Variants in ZNF420 observed in about 807,000 individuals in gnomAD.
ZNF420 encodes the protein zinc finger protein 420, also known as ATM and p53-associated KZNF protein.
Under a neutral mutation model 44.7 loss-of-function variants are expected in ZNF420, and 31 were observed. That is an observed-to-expected ratio of 0.69 (90% CI 0.52 to 0.94). The LOEUF is 0.94. Ranked by LOEUF, ZNF420 falls within the 40% of genes least tolerant of loss-of-function variation. The pLI, the probability that ZNF420 is intolerant of heterozygous loss-of-function variation, is 0.00. For missense variants in ZNF420, 681 were observed against 827.9 expected (o/e 0.82, Z 2.18); for synonymous variants, 245 against 267.4 (o/e 0.92, Z 0.82).
intron 4 of ZNF420, among the ~76,000 whole-genome samples, chr19:37,095,672 C>T (rs188712621): frequency 9.7e-4 from 147 of 152,156 alleles, no homozygotes; most frequent in African/African-American, 3.4e-3. Context: ...AATTTCGGCT[C>T]ACTGCAACCT....
At chr19:37,077,495 T>G (rs1306358967), upstream of ZNF420, among the ~76,000 whole-genome samples, 1 of 152,178 alleles carries the variant, frequency 6.6e-6, no homozygotes, top group Non-Finnish European at 1.5e-5. Flanking sequence ...AAGAAAAAAC[T>G]ACGTTAATTT....
chr19:37,099,404 C>G (rs551565377), intron 4 of ZNF420, among the ~76,000 whole-genome samples: 1 of 152,128 alleles, frequency 6.6e-6, no homozygotes, highest in South Asian at 2.1e-4. Context: ...CTGATTGTAG[C>G]TTCGATTTGC....
At chr19:37,062,040 G>A (rs1047859246) in intron 1 of ZNF420, among the ~76,000 whole-genome samples, 2 of 152,200 alleles carry the variant, frequency 1.3e-5, no homozygotes, top group Non-Finnish European at 2.9e-5. Flanking sequence ...ATTTGCGCAT[G>A]TCACACAGAA....
At chr19:37,013,776 C>G (rs1047959822) in intron 1 of ZNF420, among the ~76,000 whole-genome samples, 6 of 152,194 alleles carry the variant, frequency 3.9e-5, no homozygotes, top group African/African-American at 7.2e-5. Context: ...CAATGGCCTT[C>G]TCTGGTTTCC....
intron 4 of ZNF420, among the ~76,000 whole-genome samples, chr19:37,097,154 C>G (rs906137545): frequency 6.6e-6 from 1 of 152,092 alleles, no homozygotes; most frequent in Non-Finnish European, 1.5e-5. Flanking sequence ...GCCTCGGCCT[C>G]CCAAAGTGCT....
At chr19:37,020,664 G>A (rs1599597309) in intron 1 of ZNF420, among the ~76,000 whole-genome samples, 1 of 152,298 alleles carries the variant, frequency 6.6e-6, no homozygotes, top group East Asian at 1.9e-4. Context: ...TTAGTCAATA[G>A]ATACATAAGT....
chr19:37,100,994 C>CTT (rs35330746), intron 4 of ZNF420, among the ~76,000 whole-genome samples: 2,341 of 137,044 alleles, frequency 0.017, 51 homozygotes, highest in East Asian at 0.049. Context: ...AAATTTATTC[C>CTT]TTTTTTTTTT....
At chr19:37,101,626 A>C (rs1469615863) in intron 4 of ZNF420, among the ~76,000 whole-genome samples, 1 of 152,234 alleles carries the variant, frequency 6.6e-6, no homozygotes, top group African/African-American at 2.4e-5. Flanking sequence ...TAACCACTGC[A>C]TCCATCTCAG....
chr19:37,010,353 C>T (rs1162823610), intron 1 of ZNF420, among the ~76,000 whole-genome samples: 1 of 152,128 alleles, frequency 6.6e-6, no homozygotes, highest in African/African-American at 2.4e-5. Flanking sequence ...TGAGTCTCCC[C>T]AAAAGTCATG....
chr19:37,049,161 G>A (rs975568093), intron 1 of ZNF420, among the ~76,000 whole-genome samples: 2 of 152,084 alleles, frequency 1.3e-5, no homozygotes, highest in African/African-American at 4.8e-5. Flanking sequence ...ATTGTGAATA[G>A]TGCTGCAATA....
intron 4 of ZNF420, among the ~76,000 whole-genome samples, chr19:37,098,400 G>A (rs1969581005): frequency 6.6e-6 from 1 of 152,156 alleles, no homozygotes. Flanking sequence ...TAGGAGCACA[G>A]ACACTGAGCT....
At chr19:37,098,499 A>G (rs529044607) in intron 4 of ZNF420, among the ~76,000 whole-genome samples, 2 of 152,244 alleles carry the variant, frequency 1.3e-5, no homozygotes, top group African/African-American at 4.8e-5. Flanking sequence ...TGTTTCATCC[A>G]GTTCTAATTT....
intron 1 of ZNF420, among the ~76,000 whole-genome samples, chr19:37,069,202 A>G (rs560173959): frequency 1.3e-5 from 2 of 152,316 alleles, no homozygotes; most frequent in Non-Finnish European, 2.9e-5. Flanking sequence ...GTATTAGCCT[A>G]TCGGGCAAAT....
chr19:37,112,603 GCTCT>G (rs1450268696), intron 4 of ZNF420, among the ~76,000 whole-genome samples: 1 of 152,186 alleles, frequency 6.6e-6, no homozygotes, highest in East Asian at 1.9e-4. Flanking sequence ...ACACAGGTCT[GCTCT>G]CTGAGACCTG....
At position 37,129,360 on chromosome 19, in the gene ZNF420, A is replaced by G. The variant is rs1312448725; in HGVS notation, c.*302A>G. On this transcript the variant is annotated 3_prime_UTR_variant, in exon 5 of 5. Coordinates refer to ENST00000337995, the MANE Select transcript of ZNF420 (RefSeq NM_144689.5). ...ACTAGTTGATCTTTTTGTTATATGT[A>G]TCATGATACTTAACCTCTACCTTGG... is the stretch of plus-strand genomic sequence containing the variant. The G allele has an allele frequency of 1.9e-5, 6 of 323,398 alleles. No individual in the cohort carries two copies. The Admixed American group carries it at 2.7e-4, about 15-fold the overall frequency. The allele number at this position is 323,398 out of a possible 1,614,324, so 20.0% of individuals were successfully genotyped here.
At chr19:37,083,558 A>G (rs764838154) in intron 2 of ZNF420, among the ~76,000 whole-genome samples, 6 of 152,200 alleles carry the variant, frequency 3.9e-5, no homozygotes, top group Non-Finnish European at 8.8e-5. Flanking sequence ...TCGATCTGTG[A>G]CAATAACTGT....
chr19:37,096,777 A>C (rs1969477220), intron 4 of ZNF420, among the ~76,000 whole-genome samples: 1 of 152,238 alleles, frequency 6.6e-6, no homozygotes, highest in African/African-American at 2.4e-5. Flanking sequence ...AGTATTTGTT[A>C]GTGTTTTTTA....
intron 1 of ZNF420, among the ~76,000 whole-genome samples, chr19:37,054,750 C>T (rs1471531845): frequency 6.6e-6 from 1 of 152,186 alleles, no homozygotes. Flanking sequence ...CCTGTCTTGT[C>T]CTTGACAACA....
intron 3 of ZNF420, among the ~76,000 whole-genome samples, chr19:37,089,973 G>A (rs1969039647): frequency 6.6e-6 from 1 of 152,112 alleles, no homozygotes; most frequent in Non-Finnish European, 1.5e-5. Context: ...TGAATCTGGA[G>A]CTTCAATAAA....
Sources: allele counts gnomAD v4.1 joint callset (sites outside exome capture counted in the v4.1 genomes callset), GRCh38; gene constraint gnomAD v4.1.1; transcripts MANE v1.5; gene names NCBI Gene and HGNC (gene_info 2026-07-23, HGNC 2026-07-21).